The following ABCC3 variants were observed in gnomAD, a reference collection of about 807,000 sequenced individuals.
ABCC3 encodes the protein ATP binding cassette subfamily C member 3.
In ABCC3, 121 loss-of-function variants were observed where a neutral mutation model predicts 165.3. The observed-to-expected ratio is 0.73, with a 90% CI of 0.63 to 0.85. The LOEUF is 0.85. Ranked by LOEUF, ABCC3 falls within the 40% of genes least tolerant of loss-of-function variation. ABCC3 has a pLI of 0.00. For synonymous variants in ABCC3, 733 were observed against 810.1 expected, an observed-to-expected ratio of 0.90 and a Z score of 1.62; for missense variants, 1,869 against 1,964.1, an observed-to-expected ratio of 0.95 and a Z score of 0.92.
intron 28 of ABCC3, 72 bp from the exon 29 acceptor site, chr17:50,684,637 C>G: frequency 6.7e-7 from 1 of 1,503,038 alleles, no homozygotes. Context: ...CTCTCTTCTT[C>G]CCTGGACCTG....
At position 50,675,922 on chromosome 17, in the gene ABCC3, G is replaced by A. The variant is rs773574170; in HGVS notation, c.2899G>A (p.Gly967Arg). Residue 967 changes from glycine (G) to arginine (R), a missense_variant, in exon 22 of 31, where the codon GGG becomes AGG. Physicochemically the swap from Gly to Arg is moderately radical, Grantham distance 125. Coordinates refer to ENST00000285238, the MANE Select transcript of ABCC3 (RefSeq NM_003786.4). ...SVFWDYAKAV[G>R]LCTTLAICLL... ...GTTCTGGGATTATGCCAAGGCCGTG[G>A]GGCTCTGTACCACGCTGGCCATCTG... 6.2e-7 allele frequency: 1 copy of A among 1,614,152 alleles called. No individual in the cohort carries two copies. The highest frequency in any genetic ancestry group is 1.7e-5 in the Admixed American group (1 of 60,028).
Position 50,658,718 on chromosome 17 carries a change from C to T in ABCC3, c.674+222C>T, listed in dbSNP as rs180725774. 5.9e-5 allele frequency among the ~76,000 whole-genome samples: 9 copies of T among 152,352 alleles called. No individual in the cohort carries two copies. In the Middle Eastern group the frequency reaches 0.017, roughly 288 times the overall value. On this transcript the variant is annotated intron_variant, in intron 6 of 30. Transcript: ENST00000285238. ...TGCCGCCCCCAGGCTACAGGCCAGC[C>T]CTGCATCTGGCAGGCTGTGGGGACA...
chr17:50,674,563 A>G (rs1169103446), intron 19 of ABCC3: 1 of 152,198 alleles, frequency 6.6e-6, no homozygotes, highest in Admixed American at 6.5e-5. Flanking sequence ...AGCAAACAAA[A>G]AAATTATAGT....
At position 50,675,363 on chromosome 17, in the gene ABCC3, G is replaced by A. The variant is rs369643177; in HGVS notation, c.2601G>A (p.Ala867=). The A allele has an allele frequency of 2.9e-5, 47 of 1,609,828 alleles. No individual in the cohort carries two copies. The highest frequency in any genetic ancestry group is 4.0e-5 in the African/African-American group (3 of 74,850). The part of the protein sequence containing the change: ...DQGHLEDSWT[A]LEGAEDKEAL... ...CTCCTTCCTCCCACCCTACTGCAGC[G>A]TTGGAAGGTGCAGAGGATAAGGAGG... Residue 867 remains alanine, a splice_region_variant and synonymous_variant, in exon 20 of 31, where the codon GCG becomes GCA. Coordinates refer to ENST00000285238, the MANE Select transcript of ABCC3 (RefSeq NM_003786.4).
At chr17:50,688,247 A>G (rs910121899) in intron 30 of ABCC3, among the ~76,000 whole-genome samples, 1 of 152,168 alleles carries the variant, frequency 6.6e-6, no homozygotes, top group African/African-American at 2.4e-5. Flanking sequence ...GGAAGGGCAC[A>G]CTGGGCTCCA....
chr17:50,685,048 G>A (rs1422502053), intron 29 of ABCC3, among the ~76,000 whole-genome samples, 173 bp downstream of exon 29: 1 of 152,116 alleles, frequency 6.6e-6, no homozygotes, highest in Non-Finnish European at 1.5e-5. Flanking sequence ...CTGCCCCGCC[G>A]ACTCCTCACA....
At chr17:50,676,634 C>A (rs375564636) in intron 23 of ABCC3, 46 bp downstream of exon 23, 3 of 500,140 alleles carry the variant, frequency 6.0e-6, no homozygotes, top group Non-Finnish European at 1.1e-5. Context: ...GTTATTGGGG[C>A]GGGGCAACAC....
In ABCC3 at chr17:50,667,635, G is replaced by C; in HGVS notation, c.1513G>C (p.Ala505Pro). 6.2e-7 allele frequency: 1 copy of C among 1,614,170 alleles called. No individual in the cohort carries two copies. Among genetic ancestry groups the C allele is most frequent in the Non-Finnish European group, 8.5e-7 (1 of 1,180,026 alleles). The stretch of plus-strand genomic sequence containing the variant: ...CGGCATCAAGGTGCTGAAGCTGTAC[G>C]CCTGGGAGCCCAGCTTCCTGAAGCA... ...LNGIKVLKLY[A>P]WEPSFLKQVE... The change falls in exon 12 of 31, where the codon GCC (alanine) becomes CCC (proline). Residue 505 changes from alanine to proline, a missense_variant. Transcript: ENST00000285238.
chr17:50,636,268 G>A (rs1333003708), intron 1 of ABCC3, among the ~76,000 whole-genome samples: 5 of 152,196 alleles, frequency 3.3e-5, no homozygotes, highest in African/African-American at 7.2e-5. Flanking sequence ...TGCTGTGCAC[G>A]TGTGTGCACA....
chr17:50,667,772 A>C lies in ABCC3; in HGVS notation c.1635+15A>C, dbSNP rs1967556391. 6.2e-7 allele frequency: 1 copy of C among 1,614,104 alleles called. No homozygotes were observed. Among genetic ancestry groups the C allele is most frequent in the South Asian group, 1.1e-5 (1 of 91,076 alleles). On this transcript the variant is annotated intron_variant, in intron 12 of 30. Coordinates refer to ENST00000285238, the MANE Select transcript of ABCC3 (RefSeq NM_003786.4). ...GCCCCTTCCTGGTGAGGCTTGGCAC[A>C]GGGCTGGGTCCCTGCCTCCAGGGCT...
At position 50,664,202 on chromosome 17, in the gene ABCC3, A is replaced by G. The variant is rs1967469333; in HGVS notation, c.1338+91A>G. 2.0e-6 allele frequency: 3 copies of G among 1,528,254 alleles called. No individual in the cohort carries two copies. The South Asian group carries it at 3.6e-5, about 18-fold the overall frequency. 94.7% of individuals were successfully genotyped at this position (1,528,254 alleles called of 1,614,324 possible). A position where few individuals can be genotyped will look rare whatever the true frequency, so the allele number is the denominator to read the frequency against. On this transcript the variant is annotated intron_variant, in intron 10 of 30. Transcript: ENST00000285238. The stretch of plus-strand genomic sequence containing the variant: ...TATTCTGGAACTGGGAGCATGGCAC[A>G]TGCTTGTAGTCCCAGCTGCTCAGGC...
rs747823503 is a variant in ABCC3 at position 50,679,918 on chromosome 17, C to T, written c.3807+19C>T. ...GACAGAGGTGGGTACTGGCATGAGC[C>T]CGGGACAGGGGGAATCTGAAGTAGC... On this transcript the variant is annotated intron_variant, in intron 26 of 30. Coordinates refer to ENST00000285238, the MANE Select transcript of ABCC3 (RefSeq NM_003786.4). 2 of 1,600,040 alleles carry T rather than the reference C, an allele frequency of 1.2e-6. No homozygotes were observed. The highest frequency in any genetic ancestry group is 2.2e-5 in the South Asian group (2 of 90,692).
Position 50,657,753 on chromosome 17 carries a change from C to G in ABCC3, c.487-329C>G, listed in dbSNP as rs371414097. ...ACTCCCCATGTGGGCTCGGGCGGGT[C>G]GCTGAAACCTTTGGAGCCTCATTTC... On this transcript the variant is annotated intron_variant, in intron 4 of 30. Coordinates refer to ENST00000285238, the MANE Select transcript of ABCC3 (RefSeq NM_003786.4). Among the ~76,000 whole-genome samples, 12 of 152,312 alleles carry G rather than the reference C, an allele frequency of 7.9e-5. 1 individual carries two copies. In the South Asian group the frequency reaches 2.3e-3, roughly 29 times the overall value.
At chr17:50,662,577 G>GC (rs1434194718) in intron 8 of ABCC3, among the ~76,000 whole-genome samples, 3 of 150,564 alleles carry the variant, frequency 2.0e-5, no homozygotes, top group African/African-American at 7.4e-5. Flanking sequence ...GGTTGAGGCT[G>GC]CCGTGAGCTG....
chr17:50,684,200 CAGTCTCAG>C, intron 28 of ABCC3, 93 bp downstream of exon 28: 1 of 1,488,772 alleles, frequency 6.7e-7, no homozygotes, highest in Non-Finnish European at 9.0e-7. Flanking sequence ...ACTGGGACCC[CAGTCTCAG>C]AGGCTTGGGC....
chr17:50,674,747 C>T (rs1328609895), intron 19 of ABCC3, among the ~76,000 whole-genome samples: 1 of 151,936 alleles, frequency 6.6e-6, no homozygotes, highest in Non-Finnish European at 1.5e-5. Flanking sequence ...AAGTGCTGTG[C>T]CCCTCGCTCA....
At chr17:50,662,627 G>A (rs1461195898) in intron 8 of ABCC3, among the ~76,000 whole-genome samples, 1 of 125,582 alleles carries the variant, frequency 8.0e-6, no homozygotes, top group Non-Finnish European at 1.6e-5. Flanking sequence ...GACAGAGAGA[G>A]ACCCTGTCTC....
chr17:50,646,345 T>C (rs1967001593), intron 1 of ABCC3, among the ~76,000 whole-genome samples: 1 of 151,838 alleles, frequency 6.6e-6, no homozygotes. Context: ...GAGAGGGTCA[T>C]GGGTTGGGGG....
intron 17 of ABCC3, among the ~76,000 whole-genome samples, chr17:50,670,888 C>T (rs756554432): frequency 5.3e-5 from 8 of 152,104 alleles, no homozygotes; most frequent in Non-Finnish European, 1.2e-4. Flanking sequence ...GGCCTTTACT[C>T]TAAAAAACAT....
Sources: gnomAD v4.1 joint callset for allele counts (sites outside exome capture counted in the v4.1 genomes callset) on GRCh38, gnomAD v4.1.1 for gene constraint, MANE v1.5 for transcripts, NCBI Gene and HGNC (gene_info 2026-07-23, HGNC 2026-07-21) for gene names.